The following CYFIP1 variants were observed in gnomAD, a reference collection of about 807,000 sequenced individuals.
CYFIP1 encodes the protein cytoplasmic FMR1 interacting protein 1, also known as cytoplasmic FMR1-interacting protein 1.
CYFIP1 carries 58 observed loss-of-function variants against 163.5 expected under a neutral mutation model. That is an observed-to-expected ratio of 0.35 (90% CI 0.29 to 0.44). CYFIP1 has a LOEUF of 0.44. CYFIP1 is among the 20% of genes least tolerant of loss of function. The pLI, the probability that CYFIP1 is intolerant of heterozygous loss-of-function variation, is 1.00. For missense variants in CYFIP1, 1,338 were observed against 1,653.8 expected (o/e 0.81, Z 3.31); for synonymous variants, 663 against 660.7 (o/e 1.00, Z -0.05).
At chr15:22,870,895 G>A (rs897021876) in intron 30 of CYFIP1, among the ~76,000 whole-genome samples, 9 of 152,200 alleles carry the variant, frequency 5.9e-5, no homozygotes, top group Non-Finnish European at 1.3e-4. Flanking sequence ...TGCTACCACA[G>A]GAATAAAGAA....
chr15:22,939,560 A>T, intron 6 of CYFIP1, 53 bp from the exon 7 acceptor site: 12 of 715,174 alleles, frequency 1.7e-5, no homozygotes, highest in East Asian at 4.7e-5. Context: ...CCACATTTAA[A>T]AAAAAAAAAA....
At chr15:22,907,909 C>T (rs1346977318) in intron 21 of CYFIP1, among the ~76,000 whole-genome samples, 1 of 152,216 alleles carries the variant, frequency 6.6e-6, no homozygotes, top group Non-Finnish European at 1.5e-5. Context: ...ATCTTCTCTT[C>T]AGACAAGTCT....
chr15:22,926,145 A>T, intron 12 of CYFIP1, 38 bp from the exon 13 acceptor site: 2 of 1,612,172 alleles, frequency 1.2e-6, no homozygotes, highest in South Asian at 2.2e-5. Context: ...TCCATATTGC[A>T]TGCAAAACGC....
chr15:22,953,605 T>C (rs893806788), intron 1 of CYFIP1, among the ~76,000 whole-genome samples: 1 of 152,228 alleles, frequency 6.6e-6, no homozygotes, highest in Non-Finnish European at 1.5e-5. Flanking sequence ...GCAAAGCCAG[T>C]GTCCACTGCC....
At chr15:22,936,557 GA>G (rs2061717170) in intron 9 of CYFIP1, among the ~76,000 whole-genome samples, 1 of 152,194 alleles carries the variant, frequency 6.6e-6, no homozygotes, top group East Asian at 1.9e-4. Flanking sequence ...TGGGAACGGA[GA>G]TCAGGACAGC....
intron 21 of CYFIP1, among the ~76,000 whole-genome samples, chr15:22,908,570 C>T (rs907154675): frequency 3.8e-4 from 50 of 130,002 alleles, no homozygotes; most frequent in African/African-American, 1.5e-3. Flanking sequence ...TGCTCTGTCG[C>T]CCAGGCTGGA....
At chr15:22,899,648 CCT>C (rs1342855649) in intron 22 of CYFIP1, among the ~76,000 whole-genome samples, 1 of 152,196 alleles carries the variant, frequency 6.6e-6, no homozygotes. Flanking sequence ...GTCCATTAAA[CCT>C]CTTTCTTTTG....
intron 21 of CYFIP1, chr15:22,904,379 G>A (rs529311091): frequency 1.1e-4 from 25 of 228,932 alleles, no homozygotes; most frequent in African/African-American, 2.5e-4. Flanking sequence ...CCTCACGTGC[G>A]CTGCTCTGGA....
intron 17 of CYFIP1, among the ~76,000 whole-genome samples, chr15:22,913,281 C>A (rs1186375594): frequency 1.3e-5 from 2 of 151,328 alleles, no homozygotes; most frequent in South Asian, 2.1e-4. Flanking sequence ...GTAATCCCAG[C>A]ACTTTGGGAG....
chr15:22,905,723 C>A lies in CYFIP1; in HGVS notation c.2389-1818G>T, dbSNP rs539322137. Among the ~76,000 whole-genome samples the A allele has an allele frequency of 2.6e-5, 4 of 151,552 alleles. No individual in the cohort carries two copies. The East Asian group carries it at 7.7e-4, about 29-fold the overall frequency. On this transcript the variant is annotated intron_variant, in intron 21 of 30. Coordinates refer to ENST00000617928, the MANE Select transcript of CYFIP1 (RefSeq NM_014608.6). ...AAAGTGCTGGAATTATAGGAGCGAG[C>A]CACCGAGTGCCCAGCCTTCATTCTT...
chr15:22,886,634 G>A (rs2059933826), intron 23 of CYFIP1, among the ~76,000 whole-genome samples: 2 of 152,124 alleles, frequency 1.3e-5, no homozygotes, highest in Non-Finnish European at 2.9e-5. Context: ...GTTCATTGTA[G>A]TTGGAGAACA....
At chr15:22,879,006 G>A (rs933114748) in intron 26 of CYFIP1, among the ~76,000 whole-genome samples, 1 of 152,054 alleles carries the variant, frequency 6.6e-6, no homozygotes, top group Non-Finnish European at 1.5e-5. Context: ...CGTGGTGGTG[G>A]GCGCCTGTAG....
intron 1 of CYFIP1, among the ~76,000 whole-genome samples, chr15:22,965,383 TG>T (rs2140228019): frequency 6.6e-6 from 1 of 152,286 alleles, no homozygotes; most frequent in South Asian, 2.1e-4. Context: ...TGCTTGAACC[TG>T]GAAGGCAGAG....
At position 22,937,127 on chromosome 15, in the gene CYFIP1, A is replaced by G. The variant is rs148479608; in HGVS notation, c.877T>C (p.Ser293Pro). The G allele has an allele frequency of 4.6e-5, 74 of 1,610,416 alleles. No individual in the cohort carries two copies. The African/African-American group carries it at 7.3e-4, about 16-fold the overall frequency. ...KLDAKKRINL[S>P]KIDKYFKQLQ... ...ACCTTGAAGTACTTGTCGATTTTGG[A>G]TAAGTTTATTCTTTTCTTGGCATCC... The change falls in exon 9 of 31, where the codon TCC becomes CCC. Residue 293 changes from serine (S) to proline (P), a missense_variant. Physicochemically the swap from Ser to Pro is moderately conservative, Grantham distance 74 (BLOSUM62 -1). Coordinates refer to ENST00000617928, the MANE Select transcript of CYFIP1 (RefSeq NM_014608.6).
chr15:22,868,659 G>GT lies in CYFIP1; in HGVS notation c.*1368dup, dbSNP rs1268935291. On this transcript the variant is annotated 3_prime_UTR_variant, in exon 31 of 31. Coordinates refer to ENST00000617928, the MANE Select transcript of CYFIP1 (RefSeq NM_014608.6). ...ATGTCACTTGAGTGAGTTTGGCAGT[G>GT]TAACAGGATGGTTCGTACACTTACT... The GT allele has an allele frequency of 2.1e-5, 3 of 146,264 alleles. No individual in the cohort carries two copies. In the East Asian group the frequency reaches 6.1e-4, roughly 30 times the overall value. 9.1% of individuals were successfully genotyped at this position (146,264 alleles called of 1,614,324 possible). A position where few individuals can be genotyped will look rare whatever the true frequency, so the allele number is the denominator to read the frequency against.
chr15:22,871,616 A>G (rs4778442), intron 30 of CYFIP1, among the ~76,000 whole-genome samples: 132,391 of 152,174 alleles, frequency 0.87, 57,923 homozygotes, highest in African/African-American at 0.96. Context: ...TGGACTGTAG[A>G]ACAGGGAGAG....
intron 11 of CYFIP1, among the ~76,000 whole-genome samples, chr15:22,928,596 A>C (rs1014699206): frequency 6.6e-6 from 1 of 152,116 alleles, no homozygotes; most frequent in Non-Finnish European, 1.5e-5. Flanking sequence ...GGCTTGGCGC[A>C]CTTCCACTAG....
At position 22,939,283 on chromosome 15, in the gene CYFIP1, T is replaced by C; in HGVS notation, c.704A>G (p.Glu235Gly). 1 of 1,614,166 alleles carries C rather than the reference T, an allele frequency of 6.2e-7. No individual in the cohort carries two copies. The highest frequency in any genetic ancestry group is 8.5e-7 in the Non-Finnish European group (1 of 1,180,016). Residue 235 changes from glutamate to glycine, a missense_variant, in exon 8 of 31, where the codon GAA becomes GGA. This residue lies in a region of CYFIP1 where 824 missense variants were observed against 995.7 expected (regional missense o/e 0.83). Coordinates refer to ENST00000617928, the MANE Select transcript of CYFIP1 (RefSeq NM_014608.6). ...QQQLEVISGY[E>G]ELLADIVNLC... ...ATTCACAATATCTGCCAGGAGCTCT[T>C]CGTAGCCAGAAATCACTTCGAGCTG...
chr15:22,939,611 A>G lies in CYFIP1; in HGVS notation c.570-104T>C, dbSNP rs902305439. On this transcript the variant is annotated intron_variant, in intron 6 of 30. Coordinates refer to ENST00000617928, the MANE Select transcript of CYFIP1 (RefSeq NM_014608.6). ...GGTTCGAGTGGGATCCCTTTCCCCT[A>G]CAGTCATCTGCAGAAATGTGGGTCA... 12 of 896,702 alleles carry G rather than the reference A, an allele frequency of 1.3e-5. No homozygotes were observed. The African/African-American group carries it at 2.0e-4, about 15-fold the overall frequency. The allele number at this position is 896,702 out of a possible 1,614,324, so 55.5% of individuals were successfully genotyped here. A position where few individuals can be genotyped will look rare whatever the true frequency, so the allele number is the denominator to read the frequency against.
Sources: allele counts gnomAD v4.1 joint callset (sites outside exome capture counted in the v4.1 genomes callset), GRCh38; gene constraint gnomAD v4.1.1; regional missense constraint gnomAD v4.1.1; transcripts MANE v1.5; gene names NCBI Gene and HGNC (gene_info 2026-07-23, HGNC 2026-07-21).